UTRN: variants seen among roughly 807,000 people sequenced by gnomAD.
UTRN encodes the protein utrophin.
A neutral mutation model predicts 463.9 loss-of-function variants in UTRN; 283 were observed. That is an observed-to-expected ratio of 0.61 (90% CI 0.55 to 0.67). The LOEUF (loss-of-function observed/expected upper bound fraction) is 0.67. UTRN is among the 30% of genes least tolerant of loss of function. The pLI is 0.00. For synonymous variants in UTRN, 1,442 were observed against 1,431.5 expected (o/e 1.01, Z -0.17); for missense variants, 3,922 against 4,084.3 (o/e 0.96, Z 1.08).
chr6:144,504,096 G>A (rs1303440957), intron 34 of UTRN, among the ~76,000 whole-genome samples: 1 of 152,202 alleles, frequency 6.6e-6, no homozygotes. Flanking sequence ...TTTGTATCCT[G>A]AGACTTTGCT....
At chr6:144,341,263 A>C (rs921348224) in intron 2 of UTRN, among the ~76,000 whole-genome samples, 4 of 152,246 alleles carry the variant, frequency 2.6e-5, no homozygotes, top group African/African-American at 9.6e-5. Context: ...TACATCAAAA[A>C]ATAAGGAAAA....
At chr6:144,462,557 C>T in intron 22 of UTRN, 97 bp from the exon 23 acceptor site, 1 of 1,135,924 alleles carries the variant, frequency 8.8e-7, no homozygotes, top group South Asian at 1.5e-5. Context: ...CTTTCTAATG[C>T]ATTTTAAAGT....
In UTRN at chr6:144,514,013, A is replaced by G; in HGVS notation, c.5049A>G (p.Thr1683=). 6.2e-7 allele frequency: 1 copy of G among 1,613,986 alleles called. No homozygotes were observed. The highest frequency in any genetic ancestry group is 1.3e-5 in the African/African-American group (1 of 75,058). The change falls in exon 36 of 75, where the codon ACA becomes ACG. Residue 1683 remains threonine (T), a synonymous_variant. Transcript: ENST00000367545. ...ALLDEIEKKP[T]SKQEEIVKRL... The stretch of plus-strand genomic sequence containing the variant: ...TGGATGAAATTGAAAAGAAACCAAC[A>G]AGTAAACAGGAAGAAATTGTGAAGG...
chr6:144,649,382 T>C (rs753469077), intron 51 of UTRN, among the ~76,000 whole-genome samples: 3 of 152,210 alleles, frequency 2.0e-5, no homozygotes, highest in Non-Finnish European at 4.4e-5. Context: ...TGCCGCTGGT[T>C]GTATGTGACT....
chr6:144,532,077 C>G (rs1010256326), intron 42 of UTRN, among the ~76,000 whole-genome samples: 1 of 152,084 alleles, frequency 6.6e-6, no homozygotes, highest in African/African-American at 2.4e-5. Flanking sequence ...GCAGAGGTTG[C>G]AGTGAGCCAA....
chr6:144,396,148 A>G (rs1474427483), intron 2 of UTRN, among the ~76,000 whole-genome samples: 2 of 152,244 alleles, frequency 1.3e-5, no homozygotes, highest in Non-Finnish European at 2.9e-5. Flanking sequence ...AGACAAATGG[A>G]TAAAGAAACT....
intron 63 of UTRN, among the ~76,000 whole-genome samples, chr6:144,797,407 CT>C (rs1164177603): frequency 6.6e-6 from 1 of 152,128 alleles, no homozygotes; most frequent in African/African-American, 2.4e-5. Flanking sequence ...GTTGCCTAGG[CT>C]GGTCTCAAAC....
intron 2 of UTRN, among the ~76,000 whole-genome samples, chr6:144,376,270 C>A (rs1584504496): frequency 1.3e-5 from 2 of 152,204 alleles, no homozygotes; most frequent in Non-Finnish European, 2.9e-5. Flanking sequence ...GCCTGGCCAA[C>A]ATGGTGAAAC....
At position 144,516,300 on chromosome 6, in the gene UTRN, C is replaced by G. The variant is rs1795603014; in HGVS notation, c.5316C>G (p.Phe1772Leu). ...AAACATTTGAAACTGGTGTGCCTTTCTCTGACTTGGAAAAATTAGAAAATG... is the reference window on the plus strand; with the variant it reads ...AAACATTTGAAACTGGTGTGCCTTTGTCTGACTTGGAAAAATTAGAAAATG... ...TTETFETGVP[F>L]SDLEKLENDI... Residue 1772 changes from phenylalanine (F) to leucine (L), a missense_variant, in exon 38 of 75, where the codon TTC becomes TTG. Around this residue, in one of 3 missense-constraint regions of UTRN, gnomAD observed 2,349 missense variants for 2,303.8 expected, o/e 1.02. Coordinates refer to ENST00000367545, the MANE Select transcript of UTRN (RefSeq NM_007124.3). 5 of 1,613,828 alleles carry G rather than the reference C, an allele frequency of 3.1e-6. No individual in the cohort carries two copies. The highest frequency in any genetic ancestry group is 4.2e-6 in the Non-Finnish European group (5 of 1,179,920).
intron 24 of UTRN, 109 bp from the exon 25 acceptor site, chr6:144,474,495 C>G (rs1181688024): frequency 8.4e-7 from 1 of 1,190,840 alleles, no homozygotes; most frequent in African/African-American, 1.6e-5. Context: ...AGTACTGACT[C>G]TTAAGCAGTC....
chr6:144,386,800 TCTTC>T (rs753766199), intron 2 of UTRN, among the ~76,000 whole-genome samples: 19 of 152,206 alleles, frequency 1.2e-4, no homozygotes, highest in South Asian at 8.3e-4. Context: ...AAATGACTCT[TCTTC>T]CTTTTTTTAT....
chr6:144,392,128 A>G lies in UTRN; in HGVS notation c.80-10995A>G, dbSNP rs941848200. Among the ~76,000 whole-genome samples the G allele has an allele frequency of 7.2e-5, 11 of 152,378 alleles. No individual in the cohort carries two copies. In the East Asian group the frequency reaches 2.1e-3, roughly 29 times the overall value. On this transcript the variant is annotated intron_variant, in intron 2 of 74. Coordinates refer to ENST00000367545, the MANE Select transcript of UTRN (RefSeq NM_007124.3). ...AAAAAGACTATAAAATATATTTTCA[A>G]GATGTTTTAAAATATTGAGTATATG...
At chr6:144,836,082 A>T in intron 70 of UTRN, 144 bp downstream of exon 70, 1 of 1,415,236 alleles carries the variant, frequency 7.1e-7, no homozygotes. Flanking sequence ...ACAAACTGGG[A>T]TGCTGGCTGC....
intron 2 of UTRN, among the ~76,000 whole-genome samples, chr6:144,320,320 T>C (rs991280489): frequency 6.6e-6 from 1 of 152,170 alleles, no homozygotes; most frequent in African/African-American, 2.4e-5. Flanking sequence ...TACTATTACG[T>C]CCTGGCTTCA....
chr6:144,559,219 G>C (rs76201398), intron 50 of UTRN, among the ~76,000 whole-genome samples: 3 of 151,758 alleles, frequency 2.0e-5, no homozygotes, highest in Non-Finnish European at 2.9e-5. Flanking sequence ...GTGATTTTTC[G>C]TTTATCATAG....
intron 58 of UTRN, among the ~76,000 whole-genome samples, chr6:144,766,089 C>A (rs187443397): frequency 2.0e-5 from 3 of 152,000 alleles, no homozygotes; most frequent in Non-Finnish European, 4.4e-5. Flanking sequence ...TCCATCCTCT[C>A]CCCAGGGGCT....
intron 50 of UTRN, 52 bp downstream of exon 50, chr6:144,557,363 A>T: frequency 1.3e-6 from 2 of 1,563,722 alleles, no homozygotes; most frequent in South Asian, 1.2e-5. Flanking sequence ...TGAGAATTTG[A>T]TGGCTTTGGC....
chr6:144,604,605 G>A (rs1057426330), intron 51 of UTRN, among the ~76,000 whole-genome samples: 1 of 151,782 alleles, frequency 6.6e-6, no homozygotes, highest in Non-Finnish European at 1.5e-5. Context: ...TTTCAACTTT[G>A]AATATTAAAG....
At chr6:144,552,190 T>A (rs956916546) in intron 48 of UTRN, among the ~76,000 whole-genome samples, 4 of 152,214 alleles carry the variant, frequency 2.6e-5, no homozygotes, top group African/African-American at 9.6e-5. Context: ...TCAGCTACTC[T>A]CCCTGTAAAA....
Sources: allele counts gnomAD v4.1 joint callset (sites outside exome capture counted in the v4.1 genomes callset), GRCh38; gene constraint gnomAD v4.1.1; regional missense constraint gnomAD v4.1.1; transcripts MANE v1.5; gene names NCBI Gene and HGNC (gene_info 2026-07-23, HGNC 2026-07-21).